Variants in ZNF787 observed in about 807,000 individuals in gnomAD.
The protein encoded by ZNF787 is zinc finger protein 787.
ZNF787 carries 7 observed loss-of-function variants against 16.9 expected under a neutral mutation model. The ratio of observed to expected loss-of-function variants is 0.42; its 90% CI spans 0.24 to 0.78. The LOEUF is 0.78. ZNF787 is among the 30% of genes least tolerant of loss of function. ZNF787 has a pLI of 0.30. For missense variants in ZNF787, 551 were observed against 589.3 expected (o/e 0.94, Z 0.67); for synonymous variants, 345 against 270.9 (o/e 1.27, Z -2.69).
chr19:56,111,537 T>TG (rs529009561), intron 1 of ZNF787, among the ~76,000 whole-genome samples: 196 of 151,958 alleles, frequency 1.3e-3, no homozygotes, highest in African/African-American at 3.8e-3. Context: ...TTTCCTGCCT[T>TG]TTAGCATAAG....
At chr19:56,100,474 G>C (rs907943870) in intron 2 of ZNF787, among the ~76,000 whole-genome samples, 19 of 152,184 alleles carry the variant, frequency 1.2e-4, no homozygotes, top group African/African-American at 4.3e-4. Flanking sequence ...GCTGGGGCCA[G>C]GTGGGCTGCG....
rs1985344930 is a variant in ZNF787, at chr19:56,087,810, G to A, written c.*213C>T. 9 of 741,908 alleles carry A rather than the reference G, an allele frequency of 1.2e-5. No individual in the cohort carries two copies. The highest frequency in any genetic ancestry group is 1.6e-5 in the Non-Finnish European group (9 of 547,758). 46.0% of individuals were successfully genotyped at this position (741,908 alleles called of 1,614,324 possible). ...ACTTAGGAAGGGCGGGCCAGGCTGA[G>A]GGGGCAGAGTCTCGAGGCGGAGAAG... is the stretch of plus-strand genomic sequence containing the variant. On this transcript the variant is annotated 3_prime_UTR_variant, in exon 3 of 3. Coordinates refer to ENST00000610935, the MANE Select transcript of ZNF787 (RefSeq NM_001002836.4).
chr19:56,092,020 AAGCC>A (rs1985613476), intron 2 of ZNF787, among the ~76,000 whole-genome samples: 1 of 17,544 alleles, frequency 5.7e-5, no homozygotes, highest in Admixed American at 6.2e-4. Flanking sequence ...GCCGAAACCG[AAGCC>A]GAAGCCGAAG....
At chr19:56,099,081 G>A (rs928978613) in intron 2 of ZNF787, among the ~76,000 whole-genome samples, 6 of 152,172 alleles carry the variant, frequency 3.9e-5, no homozygotes, top group East Asian at 1.9e-4. Context: ...CCAGCTGCCC[G>A]AGAACATATC....
chr19:56,095,049 G>A (rs985870148), intron 2 of ZNF787, among the ~76,000 whole-genome samples: 1 of 152,194 alleles, frequency 6.6e-6, no homozygotes, highest in East Asian at 1.9e-4. Context: ...GAGAGGTGGA[G>A]GTTGCAGTGA....
chr19:56,093,358 G>T (rs141115236), intron 2 of ZNF787, among the ~76,000 whole-genome samples: 89 of 152,228 alleles, frequency 5.8e-4, no homozygotes, highest in African/African-American at 2.0e-3. Flanking sequence ...GCGGAACTGG[G>T]ATGCCCTATA....
chr19:56,106,650 T>TC (rs1428893789), intron 1 of ZNF787, among the ~76,000 whole-genome samples: 1 of 151,610 alleles, frequency 6.6e-6, no homozygotes, highest in Non-Finnish European at 1.5e-5. Flanking sequence ...CCACCCCACC[T>TC]CGTTCCCCAA....
chr19:56,120,793 G>C, intron 1 of ZNF787, among the ~76,000 whole-genome samples: 1 of 150,914 alleles, frequency 6.6e-6, no homozygotes, highest in Admixed American at 6.6e-5. Flanking sequence ...ACTTCGGGGG[G>C]ACGGACAGCG....
chr19:56,110,943 G>A (rs1007356934), intron 1 of ZNF787, among the ~76,000 whole-genome samples: 2 of 152,234 alleles, frequency 1.3e-5, no homozygotes, highest in Non-Finnish European at 2.9e-5. Context: ...GCTGGGTAGG[G>A]GGGTAGTGAG....
At chr19:56,092,525 CT>C (rs5828673) in intron 2 of ZNF787, among the ~76,000 whole-genome samples, 90 of 142,984 alleles carry the variant, frequency 6.3e-4, no homozygotes, top group East Asian at 2.2e-3. Context: ...TCTGGAAATG[CT>C]TTTTTTTTTT....
chr19:56,096,526 A>G (rs1985880868), intron 2 of ZNF787, among the ~76,000 whole-genome samples: 1 of 151,846 alleles, frequency 6.6e-6, no homozygotes, highest in African/African-American at 2.4e-5. Context: ...CAGCCTGACC[A>G]ACATGGTGAA....
intron 1 of ZNF787, among the ~76,000 whole-genome samples, chr19:56,117,334 T>TAATACAACCTCAC (rs2030166145): frequency 2.0e-5 from 3 of 151,096 alleles, no homozygotes; most frequent in Non-Finnish European, 3.0e-5. Context: ...GCAGAGTGGC[T>TAATACAACCTCAC]AGTACAACCT....
chr19:56,112,272 C>T (rs927050047), intron 1 of ZNF787, among the ~76,000 whole-genome samples: 1 of 152,156 alleles, frequency 6.6e-6, no homozygotes, highest in Non-Finnish European at 1.5e-5. Context: ...GGGAATTGCA[C>T]ATCTTCTGAA....
At chr19:56,108,137 C>G (rs1340664966) in intron 1 of ZNF787, among the ~76,000 whole-genome samples, 1 of 152,082 alleles carries the variant, frequency 6.6e-6, no homozygotes, top group Non-Finnish European at 1.5e-5. Context: ...CACAGAGACT[C>G]CCAGGAGACT....
chr19:56,112,959 T>C lies in ZNF787; in HGVS notation c.-11+8213A>G, dbSNP rs565664588. On this transcript the variant is annotated intron_variant, in intron 1 of 2. Coordinates refer to ENST00000610935, the MANE Select transcript of ZNF787 (RefSeq NM_001002836.4). Reference sequence around the variant, plus strand: ...CCTCACTCTCTTCTCCCCATTCCCCTTCCCTTGGGGCTTTCGCTCCCTCCC... The same window carrying C: ...CCTCACTCTCTTCTCCCCATTCCCCCTCCCTTGGGGCTTTCGCTCCCTCCC... Among the ~76,000 whole-genome samples, 141 of 113,836 alleles carry C rather than the reference T, an allele frequency of 1.2e-3. 1 individual carries two copies. Among genetic ancestry groups the C allele is most frequent in the African/African-American group, 4.5e-3 (136 of 30,106 alleles). The allele number at this position is 113,836 out of a possible 152,430, so 74.7% of individuals were successfully genotyped here.
rs1450914992 is a variant in ZNF787, at chr19:56,103,235, A to C, written c.-10-8T>G. On this transcript the variant is annotated splice_polypyrimidine_tract_variant and splice_region_variant and intron_variant, in intron 1 of 2. Transcript: ENST00000610935. ...AGCTCCATGTCTGGGTCCCTGTTAG[A>C]AGGGGATGAGACAGAAGGACAGAGT... 6.5e-7 allele frequency: 1 copy of C among 1,541,992 alleles called. No individual in the cohort carries two copies. The highest frequency in any genetic ancestry group is 2.3e-5 in the East Asian group (1 of 44,268).
intron 1 of ZNF787, among the ~76,000 whole-genome samples, chr19:56,111,889 G>A (rs1463130993): frequency 1.3e-5 from 2 of 152,200 alleles, no homozygotes; most frequent in African/African-American, 4.8e-5. Flanking sequence ...GCAAAGCAGG[G>A]ACGGGAAGGG....
At position 56,088,679 on chromosome 19, in the gene ZNF787, G is replaced by T. The variant is rs774590656; in HGVS notation, c.493C>A (p.Leu165Met). 5 of 1,587,264 alleles carry T rather than the reference G, an allele frequency of 3.2e-6. No homozygotes were observed. In the South Asian group the frequency reaches 5.6e-5, roughly 18 times the overall value. The change falls in exon 3 of 3, where the codon CTG (leucine) becomes ATG (methionine). Residue 165 changes from leucine (L) to methionine (M), a missense_variant. This residue lies in a region of ZNF787 where 40 missense variants were observed against 60.7 expected (regional missense o/e 0.66). Transcript: ENST00000610935. This position sits in a 1 kb window ranked among gnomAD's most constrained non-coding sequence, Gnocchi z 8.6. ...CGRSFTQSKS[L>M]AKHRRSHSGL... ...CTGTGCGAGCGCCGGTGCTTGGCCAGGCTCTTGCTCTGAGTGAAGCTGCGG... is the reference window on the plus strand; with the variant it reads ...CTGTGCGAGCGCCGGTGCTTGGCCATGCTCTTGCTCTGAGTGAAGCTGCGG...
At chr19:56,115,577 C>G (rs900364794) in intron 1 of ZNF787, among the ~76,000 whole-genome samples, 1 of 152,044 alleles carries the variant, frequency 6.6e-6, no homozygotes, top group Non-Finnish European at 1.5e-5. Flanking sequence ...CCAGGATGGT[C>G]GCTGCTCTAT....
Sources: allele counts gnomAD v4.1 joint callset (sites outside exome capture counted in the v4.1 genomes callset), GRCh38; gene constraint gnomAD v4.1.1; regional missense constraint gnomAD v4.1.1; non-coding constraint Gnocchi (gnomAD v3.1); transcripts MANE v1.5; gene names NCBI Gene and HGNC (gene_info 2026-07-23, HGNC 2026-07-21).